Variants in NKAP observed in about 807,000 individuals in gnomAD.
NKAP encodes NFKB activating protein.
In NKAP, 4 loss-of-function variants were observed where a neutral mutation model predicts 35.6. The ratio of observed to expected loss-of-function variants is 0.11; its 90% CI spans 0.06 to 0.26. The LOEUF (loss-of-function observed/expected upper bound fraction) is 0.26. Ranked by LOEUF, NKAP falls within the 10% of genes least tolerant of loss-of-function variation. The pLI, the probability that NKAP is intolerant of heterozygous loss-of-function variation, is 1.00. For missense variants in NKAP, 238 were observed against 321.9 expected, an observed-to-expected ratio of 0.74 and a Z score of 1.99; for synonymous variants, 106 against 119.2, an observed-to-expected ratio of 0.89 and a Z score of 0.72.
chrX:119,939,232 A>C lies in NKAP; in HGVS notation c.387-422T>G, dbSNP rs188791304. 4.5e-3 allele frequency among the ~76,000 whole-genome samples: 512 copies of C among 112,932 alleles called. 1 individual carries two copies. Among genetic ancestry groups the C allele is most frequent in the Non-Finnish European group, 5.8e-3 (310 of 53,402 alleles). On this transcript the variant is annotated intron_variant, in intron 1 of 8. Coordinates refer to ENST00000371410, the MANE Select transcript of NKAP (RefSeq NM_024528.4). ...TTAATGAAGAAAATAAAAATGATGC[A>C]TTAGACGTAGAAAACAACTGAAGTT...
At chrX:119,941,620 GT>G (rs374993872) in intron 1 of NKAP, among the ~76,000 whole-genome samples, 1 of 108,605 alleles carries the variant, frequency 9.2e-6, no homozygotes, top group Admixed American at 1.0e-4. Flanking sequence ...TCTTCTCTTT[GT>G]TTTTTTTTGT....
intron 8 of NKAP, among the ~76,000 whole-genome samples, chrX:119,929,615 C>T (rs2056731294): frequency 8.9e-6 from 1 of 111,806 alleles, no homozygotes; most frequent in Non-Finnish European, 1.9e-5. Flanking sequence ...AATCTGGGTC[C>T]ATAAAAAACT....
intron 8 of NKAP, among the ~76,000 whole-genome samples, chrX:119,928,645 C>T (rs73607086): frequency 0.11 from 12,579 of 111,454 alleles, 881 homozygotes; most frequent in African/African-American, 0.26. Context: ...CTCACTGTAA[C>T]CTCCTCCTGG....
chrX:119,925,517 T>C (rs2056706464), intron 8 of NKAP, 123 bp from the exon 9 acceptor site: 2 of 665,745 alleles, frequency 3.0e-6, no homozygotes, highest in African/African-American at 4.4e-5. Flanking sequence ...TGGGTTAAAT[T>C]TCCAAAAGAT....
rs2056802249 is a variant in NKAP at position 119,943,273 on chromosome X, G to C, written c.333C>G (p.Asp111Glu). The change falls in exon 1 of 9, where the codon GAC (aspartate) becomes GAG (glutamate). Residue 111 changes from aspartate (D) to glutamate (E), a missense_variant. Coordinates refer to ENST00000371410, the MANE Select transcript of NKAP (RefSeq NM_024528.4). ...TGTCGAGGAGGCTAGGCCAAGGCTT[G>C]TCGCTCCCGTAGGGGCGCGAGTAGC... ...YGSYSRPYGSDKPWPSLLDKE... is the reference protein window; with the variant it reads ...YGSYSRPYGSEKPWPSLLDKE... The C allele has an allele frequency of 4.1e-6, 5 of 1,210,177 alleles. No individual in the cohort carries two copies. The highest frequency in any genetic ancestry group is 5.6e-6 in the Non-Finnish European group (5 of 894,522).
At chrX:119,931,177 T>C (rs1157771932) in intron 7 of NKAP, among the ~76,000 whole-genome samples, 1 of 105,055 alleles carries the variant, frequency 9.5e-6, no homozygotes, top group Non-Finnish European at 1.9e-5. Context: ...AGAGTGAGAC[T>C]CCATCTCAAA....
chrX:119,943,738 C>T lies in NKAP; in HGVS notation c.-133G>A, dbSNP rs914992653. On this transcript the variant is annotated 5_prime_UTR_variant, in exon 1 of 9. Transcript: ENST00000371410. ...ATCTGAGGAAACCTTGGACACAGTT[C>T]TGGGTACTTCTGCAAAACCCTTCCC... 5.5e-6 allele frequency: 4 copies of T among 726,038 alleles called. No individual in the cohort carries two copies. The South Asian group carries it at 1.4e-4, about 25-fold the overall frequency. The allele number at this position is 726,038 out of a possible 1,213,427, so 59.8% of individuals were successfully genotyped here. A position where few individuals can be genotyped will look rare whatever the true frequency, so the allele number is the denominator to read the frequency against.
chrX:119,934,356 C>G (rs2056755473), intron 5 of NKAP, 138 bp downstream of exon 5: 1 of 349,510 alleles, frequency 2.9e-6, no homozygotes, highest in East Asian at 6.1e-5. Context: ...TCGCTTGAAC[C>G]TGGGAGGCGG....
intron 1 of NKAP, among the ~76,000 whole-genome samples, chrX:119,941,993 T>A (rs1183516756): frequency 1.8e-5 from 2 of 112,115 alleles, no homozygotes; most frequent in African/African-American, 6.5e-5. Flanking sequence ...AGTCTTAATA[T>A]CTTGTTTATT....
rs749327231 is a variant in NKAP at position 119,925,610 on chromosome X, G to A, written c.1074-216C>T. 1.8e-3 allele frequency among the ~76,000 whole-genome samples: 200 copies of A among 109,881 alleles called. 1 individual carries two copies. Among genetic ancestry groups the A allele is most frequent in the Non-Finnish European group, 3.3e-3 (174 of 52,719 alleles). On this transcript the variant is annotated intron_variant, in intron 8 of 8. Transcript: ENST00000371410. ...GGAGTCTTGCTCTGTTGCCTAGGTTGGAATGCAGTGGCACGATCTCGGCTC... is the reference window on the plus strand; with the variant it reads ...GGAGTCTTGCTCTGTTGCCTAGGTTAGAATGCAGTGGCACGATCTCGGCTC...
chrX:119,934,460 AGAAATTTTCCAT>A, intron 5 of NKAP, 22 bp downstream of exon 5: 19 of 861,710 alleles, frequency 2.2e-5, no homozygotes, highest in Non-Finnish European at 2.9e-5. Context: ...AAAAAAGAAA[AGAAATTTTCCAT>A]AATAAAACTT....
chrX:119,938,869 A>G, intron 1 of NKAP, 59 bp from the exon 2 acceptor site: 7 of 826,308 alleles, frequency 8.5e-6, no homozygotes, highest in Non-Finnish European at 1.2e-5. Flanking sequence ...CTAAATATAT[A>G]ATCAAATTCA....
At chrX:119,943,126 G>C (rs984553994) in intron 1 of NKAP, 94 bp downstream of exon 1, 1 of 1,062,739 alleles carries the variant, frequency 9.4e-7, no homozygotes, top group Non-Finnish European at 1.3e-6. Flanking sequence ...AGCAGAGTGA[G>C]CGAAATGCGA....
In NKAP at chrX:119,936,595, C is replaced by T. The variant is rs1196821925; in HGVS notation, c.538+17G>A. 8.9e-7 allele frequency: 1 copy of T among 1,120,447 alleles called. No individual in the cohort carries two copies. Among genetic ancestry groups the T allele is most frequent in the Non-Finnish European group, 1.2e-6 (1 of 836,842 alleles). The allele number at this position is 1,120,447 out of a possible 1,213,427, so 92.3% of individuals were successfully genotyped here. On this transcript the variant is annotated intron_variant, in intron 3 of 8. Coordinates refer to ENST00000371410, the MANE Select transcript of NKAP (RefSeq NM_024528.4). ...AAAATAGCTTGTATTTTAAAAATAC[C>T]CTTTTTTTAAAAATACCTTCTGAAG... is the stretch of plus-strand genomic sequence containing the variant.
At chrX:119,936,742 T>C (rs1236839785) in intron 2 of NKAP, 60 bp from the exon 3 acceptor site, 1 of 896,821 alleles carries the variant, frequency 1.1e-6, no homozygotes, top group Non-Finnish European at 1.6e-6. Context: ...GACCATGGAG[T>C]GTAAAGATAT....
chrX:119,932,273 C>G (rs1467183986), intron 5 of NKAP, 57 bp from the exon 6 acceptor site: 9 of 848,819 alleles, frequency 1.1e-5, no homozygotes, highest in Non-Finnish European at 1.5e-5. Flanking sequence ...TAGAGGGCAT[C>G]TTAATTTTTC....
rs1401932816 is a variant in NKAP, at chrX:119,922,789, T to A, written c.*2431A>T. ...AAATATGACTGCCTTATTTAAACAC[T>A]TTTGAAAAACAACCACTTAAAAATA... On this transcript the variant is annotated 3_prime_UTR_variant, in exon 9 of 9. Coordinates refer to ENST00000371410, the MANE Select transcript of NKAP (RefSeq NM_024528.4). The A allele has an allele frequency of 8.9e-6, 1 of 112,044 alleles. No homozygotes were observed. The highest frequency in any genetic ancestry group is 3.2e-5 in the African/African-American group (1 of 30,909). 9.2% of individuals were successfully genotyped at this position (112,044 alleles called of 1,213,427 possible). A position where few individuals can be genotyped will look rare whatever the true frequency, so the allele number is the denominator to read the frequency against.
intron 1 of NKAP, chrX:119,942,856 C>T (rs1194407312): frequency 7.2e-6 from 1 of 139,338 alleles, no homozygotes; most frequent in Non-Finnish European, 1.4e-5. Context: ...CCTCCGTTCA[C>T]TGGCTCCTCC....
Position 119,936,423 on chromosome X carries a change from T to G in NKAP, c.547A>C (p.Lys183Gln). 1 of 1,145,168 alleles carries G rather than the reference T, an allele frequency of 8.7e-7. No individual in the cohort carries two copies. The highest frequency in any genetic ancestry group is 1.2e-6 in the Non-Finnish European group (1 of 857,511). 94.4% of individuals were successfully genotyped at this position (1,145,168 alleles called of 1,213,427 possible). A position where few individuals can be genotyped will look rare whatever the true frequency, so the allele number is the denominator to read the frequency against. Residue 183 changes from lysine to glutamine, a missense_variant, in exon 4 of 9, where the codon AAG (lysine) becomes CAG (glutamine). Physicochemically the swap from Lys to Gln is moderately conservative, Grantham distance 53. Coordinates refer to ENST00000371410, the MANE Select transcript of NKAP (RefSeq NM_024528.4). ...TCTTTTGAACGGCTAGACTTCTTCT[T>G]TTTTTCTTCTAAGAAAGTACAAATT... ...TSASTSEEEK[K>Q]KKSSRSKERS...
Sources: gnomAD v4.1 joint callset for allele counts (sites outside exome capture counted in the v4.1 genomes callset) on GRCh38, gnomAD v4.1.1 for gene constraint, MANE v1.5 for transcripts, NCBI Gene and HGNC (gene_info 2026-07-23, HGNC 2026-07-21) for gene names.